The following DNAH11 variants were observed in gnomAD, a reference collection of about 807,000 sequenced individuals.
The protein encoded by DNAH11 is axonemal beta dynein heavy chain 11.
In DNAH11, 442 loss-of-function variants were observed where a neutral mutation model predicts 526.0. The ratio of observed to expected loss-of-function variants is 0.84; its 90% CI spans 0.78 to 0.91. The LOEUF (loss-of-function observed/expected upper bound fraction) is 0.91, where lower values mean the gene tolerates loss of function less well. DNAH11 is among the 40% of genes least tolerant of loss of function. The pLI is 0.00. For synonymous variants in DNAH11, 2,461 were observed against 1,935.9 expected, an observed-to-expected ratio of 1.27 and a Z score of -7.12; for missense variants, 6,989 against 5,448.7, an observed-to-expected ratio of 1.28 and a Z score of -8.90.
At chr7:21,872,784 T>C (rs1050431965) in intron 73 of DNAH11, among the ~76,000 whole-genome samples, 1 of 152,248 alleles carries the variant, frequency 6.6e-6, no homozygotes, top group African/African-American at 2.4e-5. Context: ...TTGCTTCCCT[T>C]ATTTCCTTTT....
chr7:21,795,060 T>G (rs1259041626), intron 61 of DNAH11, among the ~76,000 whole-genome samples: 2 of 152,208 alleles, frequency 1.3e-5, no homozygotes, highest in Admixed American at 6.5e-5. Flanking sequence ...GATATTTGTT[T>G]TGGGTTTTCT....
intron 62 of DNAH11, among the ~76,000 whole-genome samples, chr7:21,806,143 C>T (rs1393324188): frequency 6.6e-6 from 1 of 152,142 alleles, no homozygotes; most frequent in Non-Finnish European, 1.5e-5. Flanking sequence ...CCTTGTTAGC[C>T]AATGTCAGTA....
intron 62 of DNAH11, among the ~76,000 whole-genome samples, chr7:21,807,496 C>A (rs1161188510): frequency 6.6e-6 from 1 of 152,176 alleles, no homozygotes; most frequent in Non-Finnish European, 1.5e-5. Flanking sequence ...CAGACCCTGT[C>A]AAATAAATAA....
rs1284199449 is a variant in DNAH11, at chr7:21,862,935, G to C, written c.11373+912G>C. Among the ~76,000 whole-genome samples the C allele has an allele frequency of 3.3e-5, 5 of 152,082 alleles. No individual in the cohort carries two copies. In the East Asian group the frequency reaches 9.7e-4, roughly 29 times the overall value. On this transcript the variant is annotated intron_variant, in intron 69 of 81. Transcript: ENST00000409508. Reference sequence around the variant, plus strand: ...AAAAATTAGCCAGGCGTGGTGGCAGGCACCTGTAGTCCCAGCTACTTGGGA... The same window carrying C: ...AAAAATTAGCCAGGCGTGGTGGCAGCCACCTGTAGTCCCAGCTACTTGGGA...
At chr7:21,729,790 T>C (rs937461437) in intron 45 of DNAH11, among the ~76,000 whole-genome samples, 3 of 152,234 alleles carry the variant, frequency 2.0e-5, no homozygotes, top group African/African-American at 4.8e-5. Flanking sequence ...CAATGCAATC[T>C]AGGCATTTTC....
intron 3 of DNAH11, among the ~76,000 whole-genome samples, chr7:21,559,346 C>T (rs1320281555): frequency 6.6e-6 from 1 of 152,076 alleles, no homozygotes; most frequent in Non-Finnish European, 1.5e-5. Context: ...GTAGTAATTG[C>T]CATGCCAGTA....
rs769276401 is a variant in DNAH11, at chr7:21,748,759, G to A, written c.8673+17G>A. On this transcript the variant is annotated intron_variant, in intron 52 of 81. Transcript: ENST00000409508. ...GAACTTCGGGTGAGTCAAGGGGACA[G>A]GCAGTTCTTCTGACCCTTCTGCTTG... is the stretch of plus-strand genomic sequence containing the variant. The A allele has an allele frequency of 3.7e-6, 6 of 1,608,246 alleles. No individual in the cohort carries two copies. The highest frequency in any genetic ancestry group is 5.1e-6 in the Non-Finnish European group (6 of 1,176,650).
intron 81 of DNAH11, 174 bp from the exon 82 acceptor site, chr7:21,900,833 C>A (rs1034625052): frequency 5.9e-6 from 6 of 1,024,382 alleles, no homozygotes; most frequent in Non-Finnish European, 8.1e-6. Flanking sequence ...CCGCTGCAGG[C>A]AGGGTAACCT....
At chr7:21,561,668 A>G (rs1485159887) in intron 5 of DNAH11, among the ~76,000 whole-genome samples, 2 of 152,212 alleles carry the variant, frequency 1.3e-5, no homozygotes, top group Non-Finnish European at 2.9e-5. Flanking sequence ...GTTACAAACC[A>G]GGAATCATAA....
chr7:21,655,971 G>A lies in DNAH11; in HGVS notation c.5084G>A (p.Cys1695Tyr), dbSNP rs752453932. Residue 1695 changes from cysteine to tyrosine, a missense_variant, in exon 29 of 82, where the codon TGT becomes TAT. Coordinates refer to ENST00000409508, the MANE Select transcript of DNAH11 (RefSeq NM_001277115.2). Reference sequence around the variant, plus strand: ...GTCCCATTCCAAGCCGAGTGTGAATGTGTGGGCCATGTAAGATTTGATTAT... The same window carrying A: ...GTCCCATTCCAAGCCGAGTGTGAATATGTGGGCCATGTAAGATTTGATTAT... Reference protein sequence around the residue: ...EYVPFQAECECVGHVETWLLQ... With the variant: ...EYVPFQAECEYVGHVETWLLQ... The A allele has an allele frequency of 6.3e-7, 1 of 1,599,226 alleles. No individual in the cohort carries two copies. Among genetic ancestry groups the A allele is most frequent in the Non-Finnish European group, 8.5e-7 (1 of 1,171,048 alleles).
chr7:21,896,435 A>G (rs1784519231), intron 79 of DNAH11, among the ~76,000 whole-genome samples: 1 of 152,202 alleles, frequency 6.6e-6, no homozygotes, highest in African/African-American at 2.4e-5. Context: ...CTTTGATTGT[A>G]GAGGGTGGAT....
chr7:21,823,661 C>T (rs567819994), intron 65 of DNAH11, among the ~76,000 whole-genome samples: 85 of 151,948 alleles, frequency 5.6e-4, no homozygotes, highest in African/African-American at 2.0e-3. Flanking sequence ...GAATCATATA[C>T]TATATGCCTT....
chr7:21,633,605 T>C lies in DNAH11; in HGVS notation c.4501-2266T>C, dbSNP rs1249586876. Among the ~76,000 whole-genome samples, 3 of 152,234 alleles carry C rather than the reference T, an allele frequency of 2.0e-5. No individual in the cohort carries two copies. In the South Asian group the frequency reaches 6.2e-4, roughly 31 times the overall value. On this transcript the variant is annotated intron_variant, in intron 25 of 81. Coordinates refer to ENST00000409508, the MANE Select transcript of DNAH11 (RefSeq NM_001277115.2). ...TTTATTTATTCATTGAGCACCTAAT[T>C]GTTACAGGCTCCAGGTATGATACCA...
intron 31 of DNAH11, 173 bp downstream of exon 31, chr7:21,681,850 T>C: frequency 1.2e-6 from 1 of 828,336 alleles, no homozygotes; most frequent in Non-Finnish European, 2.0e-6. Flanking sequence ...CAATATATTA[T>C]TCTGATGAGA....
intron 28 of DNAH11, among the ~76,000 whole-genome samples, chr7:21,652,818 A>G (rs1038282371): frequency 7.2e-5 from 11 of 152,178 alleles, no homozygotes; most frequent in Admixed American, 3.3e-4. Context: ...TGAGGTGCTC[A>G]TATCCTTTCT....
At chr7:21,887,245 T>A (rs1331823354) in intron 76 of DNAH11, among the ~76,000 whole-genome samples, 1 of 152,208 alleles carries the variant, frequency 6.6e-6, no homozygotes, top group African/African-American at 2.4e-5. Context: ...AGTTTCTTGT[T>A]GAATAAATGA....
chr7:21,709,378 C>A (rs117449190), intron 40 of DNAH11, among the ~76,000 whole-genome samples: 1 of 152,034 alleles, frequency 6.6e-6, no homozygotes, highest in Non-Finnish European at 1.5e-5. Context: ...ACATTGGGTA[C>A]ATGTGGACAT....
At chr7:21,671,431 A>T (rs1168636054) in intron 30 of DNAH11, among the ~76,000 whole-genome samples, 1 of 152,180 alleles carries the variant, frequency 6.6e-6, no homozygotes, top group Non-Finnish European at 1.5e-5. Context: ...TATGCTTTTC[A>T]ATTTACTGAT....
intron 14 of DNAH11, among the ~76,000 whole-genome samples, chr7:21,597,346 A>G (rs191169780): frequency 3.3e-5 from 5 of 152,322 alleles, no homozygotes; most frequent in Admixed American, 6.5e-5. Context: ...TAGCTCAGCT[A>G]TTAACTTCCT....
Sources: gnomAD v4.1 joint callset for allele counts (sites outside exome capture counted in the v4.1 genomes callset) on GRCh38, gnomAD v4.1.1 for gene constraint, MANE v1.5 for transcripts, NCBI Gene and HGNC (gene_info 2026-07-23, HGNC 2026-07-21) for gene names.